The following CADM2 variants were observed in gnomAD, a reference collection of about 807,000 sequenced individuals.
The protein encoded by CADM2 is cell adhesion molecule 2.
In CADM2, 12 loss-of-function variants were observed where a neutral mutation model predicts 49.8. The observed-to-expected ratio is 0.24, with a 90% CI of 0.15 to 0.39. CADM2 has a LOEUF of 0.39. CADM2 is among the 10% of genes least tolerant of loss of function. The probability of loss-of-function intolerance (pLI) is 1.00; values close to 1 mark genes in which losing one functional copy is unlikely to be tolerated. For missense variants in CADM2, 378 were observed against 492.3 expected (o/e 0.77, Z 2.20); for synonymous variants, 214 against 175.4 (o/e 1.22, Z -1.74).
Position 86,070,375 on chromosome 3 carries a change from C to T in CADM2, c.*3592C>T, listed in dbSNP as rs193221254. 5.2e-4 allele frequency: 79 copies of T among 151,964 alleles called. No homozygotes were observed. The highest frequency in any genetic ancestry group is 1.7e-3 in the Admixed American group (26 of 15,242). The allele number at this position is 151,964 out of a possible 1,614,324, so 9.4% of individuals were successfully genotyped here. A position where few individuals can be genotyped will look rare whatever the true frequency, so the allele number is the denominator to read the frequency against. On this transcript the variant is annotated 3_prime_UTR_variant, in exon 10 of 10. Transcript: ENST00000383699. ...CTCTTCCATGTAACATAGCAGTTAT[C>T]GTGTAATTTAGTGCCACTTATTGCA...
intron 1 of CADM2, among the ~76,000 whole-genome samples, chr3:85,033,925 T>C (rs1576080029): frequency 6.6e-6 from 1 of 152,214 alleles, no homozygotes; most frequent in East Asian, 1.9e-4. Context: ...TGTCCATTAT[T>C]AATATGCTAA....
At chr3:85,265,693 C>T (rs1269572679) in intron 1 of CADM2, among the ~76,000 whole-genome samples, 6 of 151,854 alleles carry the variant, frequency 4.0e-5, no homozygotes, top group Admixed American at 6.6e-5. Context: ...ACATTCAAAC[C>T]GTAGCACTCA....
chr3:85,173,354 A>G (rs541040453), intron 1 of CADM2, among the ~76,000 whole-genome samples: 5 of 152,160 alleles, frequency 3.3e-5, no homozygotes, highest in Non-Finnish European at 7.4e-5. Context: ...GTGACTGTAA[A>G]TTATAAATAT....
Position 85,935,869 on chromosome 3 carries a change from A to C in CADM2, c.791+12A>C. Reference sequence around the variant, plus strand: ...AAAGGAAAACCACTGTAAGTGAGTTAATGAGCAATAAAGCTTTTAACTTTT... The same window carrying C: ...AAAGGAAAACCACTGTAAGTGAGTTCATGAGCAATAAAGCTTTTAACTTTT... On this transcript the variant is annotated intron_variant, in intron 7 of 9. Coordinates refer to ENST00000383699, the MANE Select transcript of CADM2 (RefSeq NM_001167675.2). 1 of 1,492,794 alleles carries C rather than the reference A, an allele frequency of 6.7e-7. No individual in the cohort carries two copies. The highest frequency in any genetic ancestry group is 9.3e-7 in the Non-Finnish European group (1 of 1,077,790). The allele number at this position is 1,492,794 out of a possible 1,614,324, so 92.5% of individuals were successfully genotyped here. A position where few individuals can be genotyped will look rare whatever the true frequency, so the allele number is the denominator to read the frequency against.
intron 1 of CADM2, among the ~76,000 whole-genome samples, chr3:85,675,518 G>T (rs911972689): frequency 1.3e-5 from 2 of 152,162 alleles, no homozygotes; most frequent in Non-Finnish European, 2.9e-5. Context: ...GAAGCTAAGT[G>T]ATCTGTATGG....
intron 8 of CADM2, among the ~76,000 whole-genome samples, chr3:85,996,762 T>G (rs1359034840): frequency 1.3e-5 from 2 of 152,192 alleles, no homozygotes; most frequent in Non-Finnish European, 2.9e-5. Flanking sequence ...CATTCCAACC[T>G]TTTTGGAAAC....
intron 3 of CADM2, among the ~76,000 whole-genome samples, chr3:85,823,961 A>T (rs751525121): frequency 4.6e-5 from 7 of 152,076 alleles, no homozygotes; most frequent in Non-Finnish European, 1.0e-4. Flanking sequence ...ACAAAACAAA[A>T]CTCAAAACAG....
At chr3:86,040,920 T>A (rs1464753744) in intron 8 of CADM2, among the ~76,000 whole-genome samples, 1 of 152,258 alleles carries the variant, frequency 6.6e-6, no homozygotes, top group Middle Eastern at 3.4e-3. Context: ...GAGTGGGGGT[T>A]AATATTCAAC....
chr3:85,176,479 A>C (rs1436780808), intron 1 of CADM2, among the ~76,000 whole-genome samples: 1 of 152,152 alleles, frequency 6.6e-6, no homozygotes, highest in Non-Finnish European at 1.5e-5. Context: ...CAGAAACCTC[A>C]CTTTTTTTCT....
At chr3:85,870,981 T>C (rs1480650978) in intron 3 of CADM2, among the ~76,000 whole-genome samples, 1 of 152,186 alleles carries the variant, frequency 6.6e-6, no homozygotes, top group African/African-American at 2.4e-5. Flanking sequence ...ACATAGGAAC[T>C]GACAGAGATT....
chr3:85,759,243 T>A (rs2069261667), intron 2 of CADM2, among the ~76,000 whole-genome samples: 1 of 152,122 alleles, frequency 6.6e-6, no homozygotes, highest in Non-Finnish European at 1.5e-5. Context: ...TATTCCTGCC[T>A]AGTTCTCTTC....
chr3:85,750,068 T>C (rs540310970), intron 2 of CADM2, among the ~76,000 whole-genome samples: 1 of 152,154 alleles, frequency 6.6e-6, no homozygotes, highest in South Asian at 2.1e-4. Context: ...TAGATATAAA[T>C]CTTAACAATT....
chr3:85,123,864 A>C (rs1007183358), intron 1 of CADM2, among the ~76,000 whole-genome samples: 1 of 152,194 alleles, frequency 6.6e-6, no homozygotes, highest in Non-Finnish European at 1.5e-5. Flanking sequence ...AAATTGCACA[A>C]GACAAATTTT....
chr3:85,344,085 G>A (rs1185853261), intron 1 of CADM2, among the ~76,000 whole-genome samples: 4 of 151,990 alleles, frequency 2.6e-5, no homozygotes, highest in South Asian at 2.1e-4. Flanking sequence ...ATAATTAAGC[G>A]TTAAAATAAT....
chr3:85,709,425 A>G (rs1275339956), intron 1 of CADM2, among the ~76,000 whole-genome samples: 1 of 152,146 alleles, frequency 6.6e-6, no homozygotes, highest in Non-Finnish European at 1.5e-5. Flanking sequence ...TGCGTTACAT[A>G]CAAGATTTTC....
At chr3:85,824,960 G>A (rs1334894456) in intron 3 of CADM2, among the ~76,000 whole-genome samples, 1 of 152,048 alleles carries the variant, frequency 6.6e-6, no homozygotes, top group African/African-American at 2.4e-5. Context: ...AAAGCTCTGT[G>A]AATGTGATGC....
chr3:85,344,535 G>A (rs1337020561), intron 1 of CADM2, among the ~76,000 whole-genome samples: 1 of 151,896 alleles, frequency 6.6e-6, no homozygotes, highest in Admixed American at 6.6e-5. Context: ...CTTTGGTTAA[G>A]TTAAATGAAG....
intron 8 of CADM2, among the ~76,000 whole-genome samples, chr3:86,054,192 C>T (rs1029354062): frequency 7.3e-5 from 11 of 151,574 alleles, no homozygotes; most frequent in African/African-American, 2.7e-4. Flanking sequence ...ATGTGATGAT[C>T]TCTTTATAAT....
At chr3:85,091,212 C>T (rs1341394484) in intron 1 of CADM2, among the ~76,000 whole-genome samples, 2 of 151,904 alleles carry the variant, frequency 1.3e-5, no homozygotes, top group African/African-American at 4.8e-5. Context: ...ATTTCAATGA[C>T]TTGAAAAGTG....
Sources: gnomAD v4.1 joint callset for allele counts (sites outside exome capture counted in the v4.1 genomes callset) on GRCh38, gnomAD v4.1.1 for gene constraint, MANE v1.5 for transcripts, NCBI Gene and HGNC (gene_info 2026-07-23, HGNC 2026-07-21) for gene names.